Variants in IRAK3 observed in about 807,000 individuals in gnomAD.
IRAK3 encodes the protein interleukin-1 receptor-associated kinase 3.
A neutral mutation model predicts 56.6 loss-of-function variants in IRAK3; 57 were observed. The ratio of observed to expected loss-of-function variants is 1.01; its 90% CI spans 0.81 to 1.26. The LOEUF is 1.26. Among genes scored for constraint, IRAK3 ranks in the 50% most tolerant of loss-of-function variants. IRAK3 has a pLI of 0.00. For missense variants in IRAK3, 703 were observed against 719.0 expected (o/e 0.98, Z 0.25); for synonymous variants, 258 against 255.7 (o/e 1.01, Z -0.09).
chr12:66,190,433 C>T (rs1375636992), intron 1 of IRAK3, among the ~76,000 whole-genome samples: 1 of 151,334 alleles, frequency 6.6e-6, no homozygotes, highest in Non-Finnish European at 1.5e-5. Flanking sequence ...TTCCAGTGTG[C>T]ATTTGAGGGA....
chr12:66,245,242 T>G lies in IRAK3; in HGVS notation c.1294T>G (p.Leu432Val). 2 of 1,614,174 alleles carry G rather than the reference T, an allele frequency of 1.2e-6. No homozygotes were observed. Among genetic ancestry groups the G allele is most frequent in the Non-Finnish European group, 1.7e-6 (2 of 1,180,032 alleles). Residue 432 changes from leucine (L) to valine (V), a missense_variant, in exon 11 of 12, where the codon TTA (leucine) becomes GTA (valine). By Grantham distance (32) the Leu-to-Val change is conservative (BLOSUM62 1). Coordinates refer to ENST00000261233, the MANE Select transcript of IRAK3 (RefSeq NM_007199.3). Reference sequence around the variant, plus strand: ...CCGGTGTGCTGCAACGCGGGCAAAGTTAAGACCATCAATGGATGAAGTGAG... The same window carrying G: ...CCGGTGTGCTGCAACGCGGGCAAAGGTAAGACCATCAATGGATGAAGTGAG... ...AGRCAATRAK[L>V]RPSMDEVLNT...
chr12:66,228,476 G>A, intron 8 of IRAK3, 106 bp downstream of exon 8: 2 of 817,940 alleles, frequency 2.4e-6, no homozygotes, highest in South Asian at 2.7e-5. Flanking sequence ...GTATGTATGT[G>A]TGTGTGTTAA....
At position 66,248,217 on chromosome 12, in the gene IRAK3, T is replaced by C; in HGVS notation, c.*46T>C. Reference sequence around the variant, plus strand: ...AAAAAGCAAGTATTGCATAGGCACCTGAGCATAGGTATGACCTTGGGAAGA... The same window carrying C: ...AAAAAGCAAGTATTGCATAGGCACCCGAGCATAGGTATGACCTTGGGAAGA... On this transcript the variant is annotated 3_prime_UTR_variant, in exon 12 of 12. Coordinates refer to ENST00000261233, the MANE Select transcript of IRAK3 (RefSeq NM_007199.3). The C allele has an allele frequency of 7.3e-7, 1 of 1,368,742 alleles. No individual in the cohort carries two copies. The highest frequency in any genetic ancestry group is 2.3e-5 in the East Asian group (1 of 43,744). The allele number at this position is 1,368,742 out of a possible 1,614,324, so 84.8% of individuals were successfully genotyped here.
intron 6 of IRAK3, among the ~76,000 whole-genome samples, chr12:66,224,572 T>G (rs1037514160): frequency 6.6e-6 from 1 of 152,208 alleles, no homozygotes; most frequent in South Asian, 2.1e-4. Context: ...CTCCATAGAA[T>G]GTGGCTTCTG....
At chr12:66,231,053 C>G (rs1488371598) in intron 8 of IRAK3, among the ~76,000 whole-genome samples, 1 of 152,172 alleles carries the variant, frequency 6.6e-6, no homozygotes, top group Non-Finnish European at 1.5e-5. Flanking sequence ...AATTCCTATC[C>G]TGACTGGTTG....
chr12:66,215,792 A>ACGTGCGCGCGCGCGCGCGCGCG (rs1426815796), intron 5 of IRAK3, among the ~76,000 whole-genome samples: 5 of 85,788 alleles, frequency 5.8e-5, no homozygotes, highest in African/African-American at 1.6e-4. Context: ...ACATGCACAC[A>ACGTGCGCGCGCGCGCGCGCGCG]CACACACACA....
intron 1 of IRAK3, chr12:66,196,715 G>C (rs1291664406): frequency 9.4e-6 from 2 of 212,938 alleles, no homozygotes; most frequent in Non-Finnish European, 1.6e-5. Context: ...AAGTGTTAAT[G>C]CTAACAGTCT....
At chr12:66,231,821 A>C (rs1328941119) in intron 8 of IRAK3, among the ~76,000 whole-genome samples, 2 of 152,244 alleles carry the variant, frequency 1.3e-5, no homozygotes, top group Non-Finnish European at 2.9e-5. Flanking sequence ...TGTGGTGAGC[A>C]GGGGATGGAA....
At position 66,250,427 on chromosome 12, in the gene IRAK3, T is replaced by A. The variant is rs1592608317; in HGVS notation, c.*2256T>A. The A allele has an allele frequency of 6.6e-6, 1 of 152,282 alleles. No homozygotes were observed. The highest frequency in any genetic ancestry group is 1.5e-5 in the Non-Finnish European group (1 of 68,018). The allele number at this position is 152,282 out of a possible 1,614,324, so 9.4% of individuals were successfully genotyped here. A position where few individuals can be genotyped will look rare whatever the true frequency, so the allele number is the denominator to read the frequency against. ...CAGACCAAGGTCAGAAACATGGAGT[T>A]ACAATTTTCCAAAAAAGCACGAAGT... On this transcript the variant is annotated 3_prime_UTR_variant, in exon 12 of 12. Transcript: ENST00000261233.
intron 1 of IRAK3, among the ~76,000 whole-genome samples, chr12:66,196,603 A>T (rs2052455469): frequency 6.6e-6 from 1 of 152,210 alleles, no homozygotes; most frequent in African/African-American, 2.4e-5. Context: ...GAAGTCACAC[A>T]CAGCCCTCCG....
intron 5 of IRAK3, among the ~76,000 whole-genome samples, chr12:66,212,930 A>G (rs2052627003): frequency 6.6e-6 from 1 of 152,196 alleles, no homozygotes; most frequent in Non-Finnish European, 1.5e-5. Flanking sequence ...TACCTAATGC[A>G]TGCGGGTCTT....
chr12:66,244,602 GT>G lies in IRAK3; in HGVS notation c.1005del (p.Ser335ArgfsTer29). 1 of 1,613,938 alleles carries G rather than the reference GT, an allele frequency of 6.2e-7. No homozygotes were observed. Among genetic ancestry groups the G allele is most frequent in the Non-Finnish European group, 8.5e-7 (1 of 1,179,866 alleles). ...ACCATAAATATGACCAGCAGCAGCA[GT>G]AAACATCTGTGGTACATGCCAGAAG... ...SCTINMTSSS[S>X]KHLWYMPEEY... On this transcript the variant is annotated frameshift_variant, in exon 9 of 12. Coordinates refer to ENST00000261233, the MANE Select transcript of IRAK3 (RefSeq NM_007199.3). LOFTEE classifies it high-confidence loss of function.
intron 8 of IRAK3, among the ~76,000 whole-genome samples, chr12:66,232,915 G>A (rs1180496694): frequency 6.6e-6 from 1 of 152,052 alleles, no homozygotes; most frequent in Non-Finnish European, 1.5e-5. Flanking sequence ...GGAAGATGCT[G>A]TTACCTTTAT....
rs1438260435 is a variant in IRAK3 at position 66,220,381 on chromosome 12, A to AT, written c.653+3157dup. On this transcript the variant is annotated intron_variant, in intron 6 of 11. Transcript: ENST00000261233. ...ATATATATGTAGGTTTATTTCTGTT[A>AT]TTTTTTTTTTTAAATTCTATTCCAT... Among the ~76,000 whole-genome samples the AT allele has an allele frequency of 2.0e-3, 280 of 141,194 alleles. 2 individuals carry two copies. The highest frequency in any genetic ancestry group is 6.1e-3 in the African/African-American group (234 of 38,328). The allele number at this position is 141,194 out of a possible 152,430, so 92.6% of individuals were successfully genotyped here.
At chr12:66,245,596 G>GGC (rs2053023320) in intron 11 of IRAK3, among the ~76,000 whole-genome samples, 1 of 10,720 alleles carries the variant, frequency 9.3e-5, no homozygotes, top group Non-Finnish European at 5.6e-3. Context: ...GGAGTGCAGT[G>GGC]GCACGGCCCA....
At chr12:66,199,665 A>G (rs186163451) in intron 1 of IRAK3, among the ~76,000 whole-genome samples, 1 of 152,334 alleles carries the variant, frequency 6.6e-6, no homozygotes, top group East Asian at 1.9e-4. Flanking sequence ...CACTTAGTGC[A>G]TACAATTACT....
intron 2 of IRAK3, among the ~76,000 whole-genome samples, chr12:66,206,342 C>A (rs1407734712): frequency 6.6e-6 from 1 of 152,160 alleles, no homozygotes; most frequent in Non-Finnish European, 1.5e-5. Context: ...TTCAGTCTTT[C>A]ATGATTAGTG....
rs189846286 is a variant in IRAK3 at position 66,249,038 on chromosome 12, C to G, written c.*867C>G. On this transcript the variant is annotated 3_prime_UTR_variant, in exon 12 of 12. Coordinates refer to ENST00000261233, the MANE Select transcript of IRAK3 (RefSeq NM_007199.3). ...AATCATCAGAGCTCTACAAAACAGC[C>G]ACCTCCTGGAAGCTTCCCTAATCTC... The G allele has an allele frequency of 6.6e-6, 1 of 152,344 alleles. No individual in the cohort carries two copies. Among genetic ancestry groups the G allele is most frequent in the East Asian group, 1.9e-4 (1 of 5,190 alleles). 9.4% of individuals were successfully genotyped at this position (152,344 alleles called of 1,614,324 possible). A position where few individuals can be genotyped will look rare whatever the true frequency, so the allele number is the denominator to read the frequency against.
At chr12:66,221,692 C>T (rs946599045) in intron 6 of IRAK3, among the ~76,000 whole-genome samples, 1 of 152,182 alleles carries the variant, frequency 6.6e-6, no homozygotes, top group African/African-American at 2.4e-5. Context: ...ATCCTTGCTT[C>T]TCAGGGATAA....
Sources: allele counts gnomAD v4.1 joint callset (sites outside exome capture counted in the v4.1 genomes callset), GRCh38; gene constraint gnomAD v4.1.1; transcripts MANE v1.5; gene names NCBI Gene and HGNC (gene_info 2026-07-23, HGNC 2026-07-21).